SYCE2: variants seen among roughly 807,000 people sequenced by gnomAD.
The protein encoded by SYCE2 is synaptonemal complex central element protein 2.
A neutral mutation model predicts 27.9 loss-of-function variants in SYCE2; 3 were observed. The ratio of observed to expected loss-of-function variants is 0.11; its 90% CI spans 0.05 to 0.28. The LOEUF (loss-of-function observed/expected upper bound fraction) is 0.28, where lower values mean the gene tolerates loss of function less well. Ranked by LOEUF, SYCE2 falls within the 10% of genes least tolerant of loss-of-function variation. SYCE2 has a pLI of 1.00. For synonymous variants in SYCE2, 85 were observed against 100.7 expected, an observed-to-expected ratio of 0.84 and a Z score of 0.93; for missense variants, 207 against 263.5, an observed-to-expected ratio of 0.79 and a Z score of 1.48.
Position 12,900,402 on chromosome 19 carries a change from G to A in SYCE2, c.495+58C>T, listed in dbSNP as rs117335834. 186 of 1,561,796 alleles carry A rather than the reference G, an allele frequency of 1.2e-4. No homozygotes were observed. The East Asian group carries it at 4.1e-3, about 34-fold the overall frequency. ...TGGTTTCTGTTCACATTTACTCTTG[G>A]CTGGGCCATCCCTGTCCTCTTCCTC... On this transcript the variant is annotated intron_variant, in intron 4 of 5. Coordinates refer to ENST00000293695, the MANE Select transcript of SYCE2 (RefSeq NM_001105578.2).
At position 12,917,806 on chromosome 19, in the gene SYCE2, T is replaced by G. The variant is rs187701258; in HGVS notation, c.131+416A>C. ...TCCTGAGTAGCTGGGATTACAGGCATGTGCCACTATGCCCAGCTAATTTTG... is the reference window on the plus strand; with the variant it reads ...TCCTGAGTAGCTGGGATTACAGGCAGGTGCCACTATGCCCAGCTAATTTTG... On this transcript the variant is annotated intron_variant, in intron 2 of 5. Coordinates refer to ENST00000293695, the MANE Select transcript of SYCE2 (RefSeq NM_001105578.2). Among the ~76,000 whole-genome samples the G allele has an allele frequency of 5.9e-5, 9 of 151,942 alleles. No homozygotes were observed. In the East Asian group the frequency reaches 1.8e-3, roughly 30 times the overall value.
intron 2 of SYCE2, among the ~76,000 whole-genome samples, chr19:12,909,604 T>C (rs1040462892): frequency 2.2e-4 from 33 of 152,284 alleles, no homozygotes; most frequent in African/African-American, 7.7e-4. Context: ...TTCACTCTTA[T>C]TGCCCAGGCT....
intron 2 of SYCE2, 39 bp from the exon 3 acceptor site, chr19:12,904,705 C>CA (rs752766537): frequency 6.2e-6 from 10 of 1,610,144 alleles, no homozygotes; most frequent in Non-Finnish European, 7.6e-6. Context: ...CCTGACTTCT[C>CA]AGAGTACAGG....
chr19:12,912,335 C>T (rs1971063225), intron 2 of SYCE2, among the ~76,000 whole-genome samples: 1 of 151,814 alleles, frequency 6.6e-6, no homozygotes, highest in Admixed American at 6.6e-5. Context: ...ACTTTCCCTT[C>T]CTGCCTCCTT....
At position 12,899,321 on chromosome 19, in the gene SYCE2, C is replaced by T. The variant is rs776172011; in HGVS notation, c.*20G>A. ...CTTCTCCTGGAGACTGTCACTAAGG[C>T]GTGAGTCTCCCGGCAGCTGTCAGCA... On this transcript the variant is annotated 3_prime_UTR_variant, in exon 6 of 6. Coordinates refer to ENST00000293695, the MANE Select transcript of SYCE2 (RefSeq NM_001105578.2). 22 of 1,605,600 alleles carry T rather than the reference C, an allele frequency of 1.4e-5. No individual in the cohort carries two copies. The highest frequency in any genetic ancestry group is 4.5e-5 in the East Asian group (2 of 44,860).
chr19:12,905,349 T>TG (rs1970915601), intron 2 of SYCE2, among the ~76,000 whole-genome samples: 1 of 152,116 alleles, frequency 6.6e-6, no homozygotes, highest in Non-Finnish European at 1.5e-5. Flanking sequence ...CTTTTTTTTT[T>TG]GAGACGGAGT....
chr19:12,911,393 C>A (rs922407236), intron 2 of SYCE2, among the ~76,000 whole-genome samples: 1 of 152,080 alleles, frequency 6.6e-6, no homozygotes. Flanking sequence ...CTTCCAGGGC[C>A]CTGGCCTCCA....
At chr19:12,904,383 T>G in intron 3 of SYCE2, 109 bp downstream of exon 3, 1 of 1,302,992 alleles carries the variant, frequency 7.7e-7, no homozygotes, top group Non-Finnish European at 1.1e-6. Context: ...TCCTGTGCTG[T>G]GTGTGAATGG....
chr19:12,915,014 C>T (rs182592637), intron 2 of SYCE2, among the ~76,000 whole-genome samples: 6 of 152,346 alleles, frequency 3.9e-5, no homozygotes, highest in African/African-American at 2.4e-5. Context: ...ATCATCTGTC[C>T]ACACACAAAC....
chr19:12,899,742 A>G, intron 5 of SYCE2: 1 of 1,611,720 alleles, frequency 6.2e-7, no homozygotes, highest in Non-Finnish European at 8.5e-7. Flanking sequence ...AATTCTCTGT[A>G]GAGCGTCTCA....
chr19:12,918,158 G>GA (rs1478962668), intron 2 of SYCE2, 64 bp downstream of exon 2: 1 of 1,381,228 alleles, frequency 7.2e-7, no homozygotes, highest in Non-Finnish European at 1.0e-6. Context: ...CCTTGTGGAA[G>GA]AAAAGGGTGA....
intron 2 of SYCE2, among the ~76,000 whole-genome samples, chr19:12,915,493 T>C (rs1406921674): frequency 2.7e-5 from 4 of 150,776 alleles, no homozygotes; most frequent in African/African-American, 2.4e-5. Context: ...TCCCAGCTAC[T>C]CGGGAGGCTA....
intron 3 of SYCE2, among the ~76,000 whole-genome samples, chr19:12,903,401 T>C (rs1430402461): frequency 6.7e-6 from 1 of 149,918 alleles, no homozygotes; most frequent in Non-Finnish European, 1.5e-5. Context: ...CTCTTCTTTT[T>C]TTTTTTTTGA....
At chr19:12,918,406 C>G in intron 1 of SYCE2, 69 bp from the exon 2 acceptor site, 1 of 1,422,444 alleles carries the variant, frequency 7.0e-7, no homozygotes. Context: ...CTCCTGCCGA[C>G]CCTTCAACCC....
In SYCE2 at chr19:12,914,476, A is replaced by G. The variant is rs372971759; in HGVS notation, c.131+3746T>C. 1.4e-4 allele frequency among the ~76,000 whole-genome samples: 22 copies of G among 152,032 alleles called. No individual in the cohort carries two copies. The East Asian group carries it at 3.7e-3, about 25-fold the overall frequency. On this transcript the variant is annotated intron_variant, in intron 2 of 5. Coordinates refer to ENST00000293695, the MANE Select transcript of SYCE2 (RefSeq NM_001105578.2). ...CTCCCTCATCCCCTTCCTGTGTCTT[A>G]TGGCACAAGGCACTTCCTCCATCTG...
At position 12,899,148 on chromosome 19, in the gene SYCE2, G is replaced by T. The variant is rs933926888; in HGVS notation, c.*193C>A. On this transcript the variant is annotated 3_prime_UTR_variant, in exon 6 of 6. Coordinates refer to ENST00000293695, the MANE Select transcript of SYCE2 (RefSeq NM_001105578.2). ...AGAACTTGCCAAGGGTGGGGAGCAC[G>T]AAGCCTGGGCCTATGGCAGGGGCTG... is the stretch of plus-strand genomic sequence containing the variant. The T allele has an allele frequency of 1.3e-5, 8 of 601,366 alleles. No individual in the cohort carries two copies. The highest frequency in any genetic ancestry group is 2.4e-5 in the Non-Finnish European group (8 of 339,304). The allele number at this position is 601,366 out of a possible 1,614,324, so 37.3% of individuals were successfully genotyped here. A position where few individuals can be genotyped will look rare whatever the true frequency, so the allele number is the denominator to read the frequency against.
chr19:12,905,330 G>A (rs972401346), intron 2 of SYCE2, among the ~76,000 whole-genome samples: 1 of 151,942 alleles, frequency 6.6e-6, no homozygotes, highest in Non-Finnish European at 1.5e-5. Flanking sequence ...TAGTGTCAAT[G>A]CTTTCTTTCT....
At chr19:12,917,659 C>CTTTTTTTTTTTT (rs71168635) in intron 2 of SYCE2, among the ~76,000 whole-genome samples, 1,315 of 79,240 alleles carry the variant, frequency 0.017, 210 homozygotes, top group Non-Finnish European at 0.021. Flanking sequence ...CCATTCCTGG[C>CTTTTTTTTTTTT]TTTTTTTTTT....
rs115936616 is a variant in SYCE2, at chr19:12,911,264, T to C, written c.132-6598A>G. Reference sequence around the variant, plus strand: ...CTGAGATTACAAACGTGAGCCACAGTGTCAGCCCCTAGTGACATTCTACAC... The same window carrying C: ...CTGAGATTACAAACGTGAGCCACAGCGTCAGCCCCTAGTGACATTCTACAC... On this transcript the variant is annotated intron_variant, in intron 2 of 5. Coordinates refer to ENST00000293695, the MANE Select transcript of SYCE2 (RefSeq NM_001105578.2). 9.1e-3 allele frequency among the ~76,000 whole-genome samples: 1,386 copies of C among 152,206 alleles called. 23 individuals are homozygous for C. The highest frequency in any genetic ancestry group is 0.03 in the African/African-American group (1,264 of 41,532).
Sources: allele counts gnomAD v4.1 joint callset (sites outside exome capture counted in the v4.1 genomes callset), GRCh38; gene constraint gnomAD v4.1.1; transcripts MANE v1.5; gene names NCBI Gene and HGNC (gene_info 2026-07-23, HGNC 2026-07-21).